DACT3: variants seen among roughly 807,000 people sequenced by gnomAD.
The protein encoded by DACT3 is dapper homolog 3.
Under a neutral mutation model 19.6 loss-of-function variants are expected in DACT3, and 5 were observed. The ratio of observed to expected loss-of-function variants is 0.26; its 90% CI spans 0.13 to 0.54. DACT3 has a LOEUF of 0.54. Among genes scored for constraint, DACT3 ranks in the 20% least tolerant of loss-of-function variants. The pLI is 0.95. For synonymous variants in DACT3, 454 were observed against 428.1 expected, an observed-to-expected ratio of 1.06 and a Z score of -0.75; for missense variants, 908 against 927.4, an observed-to-expected ratio of 0.98 and a Z score of 0.27.
rs1459698748 is a variant in DACT3, at chr19:46,649,736, G to C, written c.636C>G (p.Ala212=). Residue 212 remains alanine (A), a synonymous_variant, in exon 4 of 4, where the codon GCC becomes GCG. Transcript: ENST00000391916. The stretch of plus-strand genomic sequence containing the variant: ...GGGGGCTGGGCGTCAGAAAGGGCCC[G>C]GCGCGGGCCCGCCGCTCCGCCGAGG... ...ACSSAERRAR[A]GPFLTPSPLH... 2.4e-6 allele frequency: 3 copies of C among 1,260,044 alleles called. No homozygotes were observed. In the African/African-American group the frequency reaches 4.7e-5, roughly 20 times the overall value. The allele number at this position is 1,260,044 out of a possible 1,614,324, so 78.1% of individuals were successfully genotyped here. A position where few individuals can be genotyped will look rare whatever the true frequency, so the allele number is the denominator to read the frequency against.
intron 1 of DACT3, among the ~76,000 whole-genome samples, chr19:46,658,886 A>G (rs1426836299): frequency 1.3e-5 from 2 of 152,122 alleles, no homozygotes; most frequent in African/African-American, 4.8e-5. Context: ...CCTTCTTGAG[A>G]GCAAGCAGGA....
chr19:46,650,637 C>G (rs2052975017), intron 3 of DACT3: 1 of 152,126 alleles, frequency 6.6e-6, no homozygotes, highest in East Asian at 1.9e-4. Flanking sequence ...AGTCTAGTCT[C>G]CAGCTCCCAG....
At position 46,661,076 on chromosome 19, in the gene DACT3, C is replaced by A; in HGVS notation, c.-12G>T. On this transcript the variant is annotated 5_prime_UTR_variant, in exon 1 of 4. Transcript: ENST00000391916. ...AAGGCCCGGATCATGGCTGCGGCCC[C>A]CCGCCCCAGCCCGGCCGGGCCCCGC... is the stretch of plus-strand genomic sequence containing the variant. 2 of 1,420,752 alleles carry A rather than the reference C, an allele frequency of 1.4e-6. No individual in the cohort carries two copies. The highest frequency in any genetic ancestry group is 2.9e-5 in the South Asian group (2 of 68,756). The allele number at this position is 1,420,752 out of a possible 1,614,324, so 88.0% of individuals were successfully genotyped here.
chr19:46,660,823 T>C lies in DACT3; in HGVS notation c.242A>G (p.Glu81Gly). The C allele has an allele frequency of 6.6e-7, 1 of 1,504,374 alleles. No individual in the cohort carries two copies. The highest frequency in any genetic ancestry group is 1.4e-5 in the African/African-American group (1 of 69,930). 93.2% of individuals were successfully genotyped at this position (1,504,374 alleles called of 1,614,324 possible). Residue 81 changes from glutamate to glycine, a missense_variant, in exon 1 of 4, where the codon GAG (glutamate) becomes GGG (glycine). Around this residue, in one of 2 missense-constraint regions of DACT3, gnomAD observed 252 missense variants for 325.6 expected, o/e 0.77. Coordinates refer to ENST00000391916, the MANE Select transcript of DACT3 (RefSeq NM_145056.3). This position sits in a 1 kb window ranked among gnomAD's most constrained non-coding sequence, Gnocchi z 4.9. ...GGACAGGCAGCCCCTTACCAGCTGCTCCTCCAGGGCCGCTGCGGCCCGGCG... is the reference window on the plus strand; with the variant it reads ...GGACAGGCAGCCCCTTACCAGCTGCCCCTCCAGGGCCGCTGCGGCCCGGCG... ...AARRAAAALE[E>G]QLEALPGLVW...
intron 3 of DACT3, 27 bp from the exon 4 acceptor site, chr19:46,649,899 A>G: frequency 7.3e-7 from 1 of 1,360,888 alleles, no homozygotes; most frequent in Non-Finnish European, 9.4e-7. Flanking sequence ...AAAAAAAAAA[A>G]AAAAAGAGAG....
chr19:46,650,062 A>G, intron 3 of DACT3, 190 bp from the exon 4 acceptor site: 2 of 545,112 alleles, frequency 3.7e-6, no homozygotes, highest in Non-Finnish European at 5.4e-6. Flanking sequence ...GGGTCCTACA[A>G]GACCCTGCGT....
At chr19:46,652,496 A>G in intron 3 of DACT3, 164 bp downstream of exon 3, 1 of 800,624 alleles carries the variant, frequency 1.2e-6, no homozygotes, top group Admixed American at 3.0e-5. Context: ...ATTTTAACAG[A>G]TGGAAAAACA....
Position 46,648,930 on chromosome 19 carries a change from T to C in DACT3, c.1442A>G (p.Glu481Gly). The C allele has an allele frequency of 7.5e-7, 1 of 1,341,628 alleles. No homozygotes were observed. Among genetic ancestry groups the C allele is most frequent in the Non-Finnish European group, 9.5e-7 (1 of 1,051,440 alleles). The allele number at this position is 1,341,628 out of a possible 1,614,324, so 83.1% of individuals were successfully genotyped here. Reference sequence around the variant, plus strand: ...GCGGCGCCCATCGGCAGCGTCGATCTCCGCAGTGGAGCGCCAGCGACGGCA... The same window carrying C: ...GCGGCGCCCATCGGCAGCGTCGATCCCCGCAGTGGAGCGCCAGCGACGGCA... Reference protein sequence around the residue: ...GSCRRWRSTAEIDAADGRRVR... With the variant: ...GSCRRWRSTAGIDAADGRRVR... Residue 481 changes from glutamate to glycine, a missense_variant, in exon 4 of 4, where the codon GAG becomes GGG. This residue lies in a region of DACT3 where 656 missense variants were observed against 601.8 expected (regional missense o/e 1.09). Transcript: ENST00000391916. The surrounding 1 kb of genome is among the most constrained non-coding windows in gnomAD (Gnocchi z 5.1).
At position 46,648,995 on chromosome 19, in the gene DACT3, G is replaced by A. The variant is rs1343080266; in HGVS notation, c.1377C>T (p.Arg459=). Residue 459 remains arginine (R), a synonymous_variant, in exon 4 of 4, where the codon CGC becomes CGT. Coordinates refer to ENST00000391916, the MANE Select transcript of DACT3 (RefSeq NM_145056.3). This position sits in a 1 kb window ranked among gnomAD's most constrained non-coding sequence, Gnocchi z 5.1. ...GGGCCGCCAGCGTGGGCGCTGGGCCGCGGCGTGGCCGTGGAGGCCGAGGCT... is the reference window on the plus strand; with the variant it reads ...GGGCCGCCAGCGTGGGCGCTGGGCCACGGCGTGGCCGTGGAGGCCGAGGCT... ...REEPRPPRPR[R]GPAPTLAAQA... is the part of the protein sequence containing the mutation. The A allele has an allele frequency of 3.1e-6, 4 of 1,270,234 alleles. No individual in the cohort carries two copies. Among genetic ancestry groups the A allele is most frequent in the South Asian group, 2.5e-5 (1 of 39,426 alleles). 78.7% of individuals were successfully genotyped at this position (1,270,234 alleles called of 1,614,324 possible).
At chr19:46,658,776 C>T (rs1045897103) in intron 1 of DACT3, among the ~76,000 whole-genome samples, 1 of 152,102 alleles carries the variant, frequency 6.6e-6, no homozygotes, top group Admixed American at 6.6e-5. Flanking sequence ...TTGTTTCTCC[C>T]CTCACGTGCC....
rs1302030589 is a variant in DACT3 at position 46,660,011 on chromosome 19, G to T, written c.249+805C>A. Among the ~76,000 whole-genome samples the T allele has an allele frequency of 6.6e-6, 1 of 152,198 alleles. No homozygotes were observed. The highest frequency in any genetic ancestry group is 2.4e-5 in the African/African-American group (1 of 41,448). On this transcript the variant is annotated intron_variant, in intron 1 of 3. Coordinates refer to ENST00000391916, the MANE Select transcript of DACT3 (RefSeq NM_145056.3). This position sits in a 1 kb window ranked among gnomAD's most constrained non-coding sequence, Gnocchi z 4.9. Reference sequence around the variant, plus strand: ...GAGAGAGTGACAGAACCCAGGACGAGATCGGGAGACTCAAGGAATGACATA... The same window carrying T: ...GAGAGAGTGACAGAACCCAGGACGATATCGGGAGACTCAAGGAATGACATA...
At chr19:46,655,203 A>T in intron 1 of DACT3, 1 of 294,438 alleles carries the variant, frequency 3.4e-6, no homozygotes, top group Non-Finnish European at 5.0e-6. Context: ...CTTCATTCAG[A>T]TCTTTGGTGA....
In DACT3 at chr19:46,652,995, C is replaced by T; in HGVS notation, c.330G>A (p.Glu110=). The part of the protein sequence containing the change: ...LSLESGGLEQ[E]SGRSSGFYED... ...CATGCTCACCCGAGCTACGCCCGCT[C>T]TCCTGTTCCAGGCCCCCAGACTCCA... is the stretch of plus-strand genomic sequence containing the variant. The change falls in exon 2 of 4, where the codon GAG becomes GAA. Residue 110 remains glutamate, a synonymous_variant. Coordinates refer to ENST00000391916, the MANE Select transcript of DACT3 (RefSeq NM_145056.3). 1.0e-5 allele frequency: 16 copies of T among 1,551,474 alleles called. No individual in the cohort carries two copies. The highest frequency in any genetic ancestry group is 2.7e-5 in the African/African-American group (2 of 73,156).
chr19:46,659,085 G>C (rs1854068930), intron 1 of DACT3: 1 of 984,456 alleles, frequency 1.0e-6, no homozygotes. Context: ...ACAAGGGTTG[G>C]GGGATCAGAA....
Position 46,649,051 on chromosome 19 carries a change from G to T in DACT3, c.1321C>A (p.Pro441Thr), listed in dbSNP as rs1480743086. ...LGRASAVPSG[P>T]PKYPTAEREE... ...CGCTCCGCCGTGGGGTACTTAGGGG[G>T]CCCCGAAGGGACCGCGGAGGCGCGG... Residue 441 changes from proline (P) to threonine (T), a missense_variant, in exon 4 of 4, where the codon CCC becomes ACC. Coordinates refer to ENST00000391916, the MANE Select transcript of DACT3 (RefSeq NM_145056.3). The T allele has an allele frequency of 1.6e-6, 2 of 1,286,992 alleles. No homozygotes were observed. Among genetic ancestry groups the T allele is most frequent in the Non-Finnish European group, 2.0e-6 (2 of 1,019,778 alleles). 79.7% of individuals were successfully genotyped at this position (1,286,992 alleles called of 1,614,324 possible).
In DACT3 at chr19:46,649,678, A is replaced by G; in HGVS notation, c.694T>C (p.Cys232Arg). The stretch of plus-strand genomic sequence containing the variant: ...GGCGAGTCGGTGGGAGGGCGGCCGC[A>G]GGGCCGCGGGCTGCGCATCGCCACG... ...HAVAMRSPRPCGRPPTDSPDA... is the reference protein window; with the variant it reads ...HAVAMRSPRPRGRPPTDSPDA... The change falls in exon 4 of 4, where the codon TGC becomes CGC. Residue 232 changes from cysteine (C) to arginine (R), a missense_variant. By Grantham distance (180) the Cys-to-Arg change is radical. This residue lies in a region of DACT3 where 656 missense variants were observed against 601.8 expected (regional missense o/e 1.09). Transcript: ENST00000391916. The G allele has an allele frequency of 2.6e-6, 3 of 1,176,330 alleles. No individual in the cohort carries two copies. Among genetic ancestry groups the G allele is most frequent in the Non-Finnish European group, 3.1e-6 (3 of 953,874 alleles). 72.9% of individuals were successfully genotyped at this position (1,176,330 alleles called of 1,614,324 possible). A position where few individuals can be genotyped will look rare whatever the true frequency, so the allele number is the denominator to read the frequency against.
At chr19:46,656,693 TA>T (rs1356122175) in intron 1 of DACT3, among the ~76,000 whole-genome samples, 6 of 152,288 alleles carry the variant, frequency 3.9e-5, no homozygotes, top group African/African-American at 1.4e-4. Flanking sequence ...AATGAATGTA[TA>T]CAATGGAATA....
chr19:46,648,315 T>C lies in DACT3; in HGVS notation c.*167A>G, dbSNP rs779163575. 17 of 1,141,862 alleles carry C rather than the reference T, an allele frequency of 1.5e-5. No homozygotes were observed. The highest frequency in any genetic ancestry group is 2.1e-5 in the Non-Finnish European group (17 of 805,670). The allele number at this position is 1,141,862 out of a possible 1,614,324, so 70.7% of individuals were successfully genotyped here. A position where few individuals can be genotyped will look rare whatever the true frequency, so the allele number is the denominator to read the frequency against. ...GGCTCCTCCCCATTCCTCTCGGTGG[T>C]GGTGGGGGAGCCTTTTCAACCAAGA... On this transcript the variant is annotated 3_prime_UTR_variant, in exon 4 of 4. Coordinates refer to ENST00000391916, the MANE Select transcript of DACT3 (RefSeq NM_145056.3). The surrounding 1 kb of genome is among the most constrained non-coding windows in gnomAD (Gnocchi z 5.1).
At chr19:46,653,149 T>C (rs1403537311) in intron 1 of DACT3, 74 bp from the exon 2 acceptor site, 3 of 1,527,934 alleles carry the variant, frequency 2.0e-6, no homozygotes, top group Non-Finnish European at 2.6e-6. Flanking sequence ...TTCCACGAGC[T>C]CATGGGCAGA....
Sources: allele counts gnomAD v4.1 joint callset (sites outside exome capture counted in the v4.1 genomes callset), GRCh38; gene constraint gnomAD v4.1.1; regional missense constraint gnomAD v4.1.1; non-coding constraint Gnocchi (gnomAD v3.1); transcripts MANE v1.5; gene names NCBI Gene and HGNC (gene_info 2026-07-23, HGNC 2026-07-21).